OVCH2: variants seen among roughly 807,000 people sequenced by gnomAD.
The protein encoded by OVCH2 is ovochymase-2.
OVCH2 carries 88 observed loss-of-function variants against 73.7 expected under a neutral mutation model. The ratio of observed to expected loss-of-function variants is 1.19; its 90% CI spans 1.01 to 1.43. OVCH2 has a LOEUF of 1.43. OVCH2 is among the 40% of genes most tolerant of loss of function. OVCH2 has a pLI of 0.00. For missense variants in OVCH2, 706 were observed against 674.5 expected, an observed-to-expected ratio of 1.05 and a Z score of -0.52; for synonymous variants, 265 against 234.5, an observed-to-expected ratio of 1.13 and a Z score of -1.19.
chr11:7,695,282 T>A (rs1201114590), intron 11 of OVCH2, 94 bp from the exon 12 acceptor site: 2 of 1,367,760 alleles, frequency 1.5e-6, no homozygotes, highest in Non-Finnish European at 2.0e-6. Flanking sequence ...ATGATGCATA[T>A]CAATTGCATT....
the OVCH2 span, among the ~76,000 whole-genome samples, chr11:7,680,297 C>A: frequency 6.6e-6 from 1 of 152,184 alleles, no homozygotes; most frequent in Non-Finnish European, 1.5e-5. Flanking sequence ...CAGCCAGTGT[C>A]TACTGGAGAA....
chr11:7,684,638 C>T (rs1037399075), downstream of OVCH2, among the ~76,000 whole-genome samples: 1 of 151,752 alleles, frequency 6.6e-6, no homozygotes, highest in African/African-American at 2.4e-5. Context: ...AAATTAGCCC[C>T]AACAAATGAG....
chr11:7,703,926 A>C (rs1856489607), intron 2 of OVCH2, 137 bp from the exon 3 acceptor site: 1 of 728,788 alleles, frequency 1.4e-6, no homozygotes, highest in Non-Finnish European at 2.3e-6. Context: ...TGAAAAGATA[A>C]AGCCCAGACA....
In OVCH2 at chr11:7,691,102, A is replaced by C. The variant is rs558767667; in HGVS notation, c.1639+167T>G. 5.4e-4 allele frequency: 440 copies of C among 822,020 alleles called. 7 individuals are homozygous for C. The South Asian group carries it at 8.0e-3, about 15-fold the overall frequency. 50.9% of individuals were successfully genotyped at this position (822,020 alleles called of 1,614,324 possible). A position where few individuals can be genotyped will look rare whatever the true frequency, so the allele number is the denominator to read the frequency against. On this transcript the variant is annotated intron_variant, in intron 14 of 15. Coordinates refer to ENST00000533663, the MANE Select transcript of OVCH2 (RefSeq NM_198185.7). Reference sequence around the variant, plus strand: ...CACCTAACCTTGTACATTTCCTAGGAGGGATGGCTGAGTATTCTCTTATTC... The same window carrying C: ...CACCTAACCTTGTACATTTCCTAGGCGGGATGGCTGAGTATTCTCTTATTC...
chr11:7,688,041 T>G (rs1328605752), downstream of OVCH2, among the ~76,000 whole-genome samples: 1 of 152,108 alleles, frequency 6.6e-6, no homozygotes, highest in Non-Finnish European at 1.5e-5. Flanking sequence ...CTTCAACACA[T>G]GAATTTGGTG....
chr11:7,702,385 G>T, intron 3 of OVCH2, 56 bp from the exon 4 acceptor site: 1 of 1,366,082 alleles, frequency 7.3e-7, no homozygotes, highest in Non-Finnish European at 9.9e-7. Context: ...GAGTACAGTT[G>T]CAATGGTTGA....
At chr11:7,679,587 G>A in the OVCH2 span, among the ~76,000 whole-genome samples, 2 of 152,146 alleles carry the variant, frequency 1.3e-5, no homozygotes, top group Non-Finnish European at 2.9e-5. Context: ...TGAAGAAGGT[G>A]CTTGCTTCCC....
intron 12 of OVCH2, 42 bp downstream of exon 12, chr11:7,695,016 G>A (rs1313315881): frequency 2.6e-6 from 4 of 1,531,688 alleles, no homozygotes; most frequent in Non-Finnish European, 3.5e-6. Flanking sequence ...TAGCTATTCT[G>A]TGAATTTACC....
the OVCH2 span, among the ~76,000 whole-genome samples, chr11:7,679,346 A>G: frequency 6.6e-6 from 1 of 152,210 alleles, no homozygotes; most frequent in Non-Finnish European, 1.5e-5. Flanking sequence ...CTGGTTGCCA[A>G]GGAAACCAAC....
chr11:7,706,031 A>T (rs1456496493), intron 1 of OVCH2, among the ~76,000 whole-genome samples: 3 of 152,206 alleles, frequency 2.0e-5, no homozygotes, highest in South Asian at 2.1e-4. Flanking sequence ...GGGTTCAAGT[A>T]AGTGAACAAT....
At chr11:7,686,841 C>G (rs1345173776), downstream of OVCH2, among the ~76,000 whole-genome samples, 2 of 152,148 alleles carry the variant, frequency 1.3e-5, no homozygotes, top group Non-Finnish European at 2.9e-5. Flanking sequence ...TAAGTTGTCA[C>G]AGCAGCTTCA....
intron 12 of OVCH2, among the ~76,000 whole-genome samples, chr11:7,694,026 A>G (rs1441591947): frequency 2.0e-5 from 3 of 152,160 alleles, no homozygotes; most frequent in Admixed American, 1.3e-4. Context: ...AAACACACCA[A>G]TTTGGTTCTC....
At chr11:7,694,927 G>C (rs1195515590) in intron 12 of OVCH2, 131 bp downstream of exon 12, 1 of 1,007,420 alleles carries the variant, frequency 9.9e-7, no homozygotes, top group Non-Finnish European at 1.4e-6. Context: ...AGCTTTGTGT[G>C]TCAGGTGCTG....
intron 6 of OVCH2, 64 bp from the exon 7 acceptor site, chr11:7,700,549 T>G: frequency 6.6e-7 from 1 of 1,506,806 alleles, no homozygotes; most frequent in Non-Finnish European, 8.9e-7. Flanking sequence ...ATGCTCACTG[T>G]TTCCTCACAA....
At position 7,695,133 on chromosome 11, in the gene OVCH2, T is replaced by C; in HGVS notation, c.1338A>G (p.Leu446=). 1.3e-6 allele frequency: 2 copies of C among 1,555,972 alleles called. No individual in the cohort carries two copies. The highest frequency in any genetic ancestry group is 2.4e-5 in the South Asian group (2 of 84,126). ...TGTCACTGTAGTTTTCAGGATAGTT[T>C]AGACTCTGTATGAGACCTTCTTCAA... is the stretch of plus-strand genomic sequence containing the variant. ...VLFEEGLIQS[L]NYPENYSDKA... Residue 446 remains leucine, a synonymous_variant, in exon 12 of 16, where the codon CTA becomes CTG. Coordinates refer to ENST00000533663, the MANE Select transcript of OVCH2 (RefSeq NM_198185.7).
rs937416592 is a variant in OVCH2, at chr11:7,696,317, G to C, written c.1141+148C>G. 8 of 1,177,540 alleles carry C rather than the reference G, an allele frequency of 6.8e-6. No homozygotes were observed. The African/African-American group carries it at 1.2e-4, about 18-fold the overall frequency. The allele number at this position is 1,177,540 out of a possible 1,614,324, so 72.9% of individuals were successfully genotyped here. On this transcript the variant is annotated intron_variant, in intron 10 of 15. Coordinates refer to ENST00000533663, the MANE Select transcript of OVCH2 (RefSeq NM_198185.7). ...CAGCCATCACCCAGGCTCAGATTTGGTTCCTTCCCACTCCCAATTCTGAGT... is the reference window on the plus strand; with the variant it reads ...CAGCCATCACCCAGGCTCAGATTTGCTTCCTTCCCACTCCCAATTCTGAGT...
In OVCH2 at chr11:7,702,122, G is replaced by T. The variant is rs569602910; in HGVS notation, c.463+35C>A. Reference sequence around the variant, plus strand: ...TGGCACAGAGGTTATAGAGAACATGGGGTAGACAATTCAGTATGATCCTCA... The same window carrying T: ...TGGCACAGAGGTTATAGAGAACATGTGGTAGACAATTCAGTATGATCCTCA... On this transcript the variant is annotated intron_variant, in intron 4 of 15. Coordinates refer to ENST00000533663, the MANE Select transcript of OVCH2 (RefSeq NM_198185.7). 393 of 1,533,978 alleles carry T rather than the reference G, an allele frequency of 2.6e-4. 4 individuals carry two copies. In the South Asian group the frequency reaches 3.7e-3, roughly 14 times the overall value.
rs764146762 is a variant in OVCH2, at chr11:7,701,333, G to T, written c.702C>A (p.Asp234Glu). The T allele has an allele frequency of 1.9e-6, 3 of 1,611,926 alleles. No individual in the cohort carries two copies. The South Asian group carries it at 3.3e-5, about 18-fold the overall frequency. Residue 234 changes from aspartate to glutamate, a missense_variant, in exon 6 of 16, where the codon GAC (aspartate) becomes GAA (glutamate). Transcript: ENST00000533663. ...CGCAGCTCCCACCCACCTGACATGC[G>T]TCTCTCCCTCCATCAGGAAAACCTG... ...LCTGFPDGGR[D>E]ACQGDSGGSL...
intron 2 of OVCH2, 118 bp downstream of exon 2, chr11:7,704,447 T>C (rs1170747347): frequency 1.6e-6 from 1 of 632,282 alleles, no homozygotes. Flanking sequence ...TGATGACTAT[T>C]CTGTCTTTCA....
Sources: allele counts gnomAD v4.1 joint callset (sites outside exome capture counted in the v4.1 genomes callset), GRCh38; gene constraint gnomAD v4.1.1; transcripts MANE v1.5; gene names NCBI Gene and HGNC (gene_info 2026-07-23, HGNC 2026-07-21).